The following ZFHX3 variants were observed in gnomAD, a reference collection of about 807,000 sequenced individuals.
ZFHX3 encodes the protein zinc finger homeobox protein 3.
In ZFHX3, 42 loss-of-function variants were observed where a neutral mutation model predicts 279.1. The ratio of observed to expected loss-of-function variants is 0.15; its 90% confidence interval spans 0.12 to 0.19. The LOEUF (loss-of-function observed/expected upper bound fraction) is 0.19, where lower values mean the gene tolerates loss of function less well. ZFHX3 is among the 10% of genes least tolerant of loss of function. ZFHX3 has a pLI of 1.00. For synonymous variants in ZFHX3, 2,293 were observed against 1,957.8 expected, an observed-to-expected ratio of 1.17 and a Z score of -4.52; for missense variants, 4,981 against 4,754.0, an observed-to-expected ratio of 1.05 and a Z score of -1.40.
At chr16:72,819,013 T>C (rs2036700012) in intron 5 of ZFHX3, among the ~76,000 whole-genome samples, 1 of 152,232 alleles carries the variant, frequency 6.6e-6, no homozygotes, top group African/African-American at 2.4e-5. Context: ...AGGTCAGCAC[T>C]TTAAAAATCC....
chr16:73,633,269 G>T (rs1235087726), intron 2 of ZFHX3, among the ~76,000 whole-genome samples: 1 of 152,148 alleles, frequency 6.6e-6, no homozygotes, highest in Non-Finnish European at 1.5e-5. Context: ...TTTTAAAAGG[G>T]ATAGATAATT....
intron 5 of ZFHX3, among the ~76,000 whole-genome samples, chr16:73,212,964 C>T (rs909639774): frequency 4.6e-5 from 7 of 152,188 alleles, no homozygotes; most frequent in African/African-American, 7.2e-5. Context: ...CTTCGAACAA[C>T]GTCAGAAACG....
At chr16:73,129,476 A>G (rs1050245437) in intron 7 of ZFHX3, among the ~76,000 whole-genome samples, 1 of 151,344 alleles carries the variant, frequency 6.6e-6, no homozygotes, top group Non-Finnish European at 1.5e-5. Flanking sequence ...CCATTTCACA[A>G]TTTTGAGGTG....
chr16:73,051,884 AAC>A (rs1387217408), upstream of ZFHX3, among the ~76,000 whole-genome samples: 4 of 152,196 alleles, frequency 2.6e-5, no homozygotes, highest in African/African-American at 9.7e-5. Context: ...AAGACTTTTA[AAC>A]ACAGGGGGAT....
intron 3 of ZFHX3, among the ~76,000 whole-genome samples, chr16:73,347,913 T>C (rs919511413): frequency 1.3e-5 from 2 of 152,256 alleles, no homozygotes; most frequent in African/African-American, 4.8e-5. Context: ...ATGAAGCTGA[T>C]ATTTTGCACA....
At chr16:73,324,672 T>C (rs1208814948) in intron 3 of ZFHX3, among the ~76,000 whole-genome samples, 2 of 152,190 alleles carry the variant, frequency 1.3e-5, no homozygotes, top group Non-Finnish European at 2.9e-5. Flanking sequence ...GAGAGGCCTT[T>C]GGTCAAGGGA....
At chr16:72,806,234 G>A (rs906019736) in intron 7 of ZFHX3, among the ~76,000 whole-genome samples, 1 of 152,202 alleles carries the variant, frequency 6.6e-6, no homozygotes, top group Non-Finnish European at 1.5e-5. Context: ...AGAAAATACT[G>A]TAGGGCCGTG....
intron 1 of ZFHX3, among the ~76,000 whole-genome samples, chr16:73,773,574 T>A (rs1041419245): frequency 5.3e-5 from 8 of 152,154 alleles, no homozygotes; most frequent in African/African-American, 1.9e-4. Context: ...TAATAATGTG[T>A]CCGTGGAAAG....
At chr16:73,516,090 C>T (rs796997117) in intron 2 of ZFHX3, among the ~76,000 whole-genome samples, 6 of 152,222 alleles carry the variant, frequency 3.9e-5, no homozygotes, top group African/African-American at 1.2e-4. Flanking sequence ...TGAACACTGA[C>T]CCATGGGTTC....
intron 1 of ZFHX3, among the ~76,000 whole-genome samples, chr16:73,028,735 G>A (rs1964597221): frequency 6.6e-6 from 1 of 152,182 alleles, no homozygotes; most frequent in African/African-American, 2.4e-5. Context: ...CCCTGGGAAA[G>A]GGGGCAGTGG....
At chr16:72,979,147 T>C (rs1962482992) in intron 1 of ZFHX3, among the ~76,000 whole-genome samples, 1 of 152,136 alleles carries the variant, frequency 6.6e-6, no homozygotes, top group Admixed American at 6.5e-5. Flanking sequence ...CTTTACTCTT[T>C]TACAGATGTA....
intron 7 of ZFHX3, among the ~76,000 whole-genome samples, chr16:72,800,330 C>T (rs931929660): frequency 6.6e-6 from 1 of 152,182 alleles, no homozygotes; most frequent in Admixed American, 6.5e-5. Flanking sequence ...ACATTCTGGA[C>T]ATAATTAGCA....
At chr16:73,579,694 G>C (rs2051837462) in intron 2 of ZFHX3, among the ~76,000 whole-genome samples, 1 of 149,864 alleles carries the variant, frequency 6.7e-6, no homozygotes, top group Admixed American at 6.6e-5. Context: ...AGTAGAGACG[G>C]GGTTTCACCA....
chr16:73,778,729 A>G (rs1959348139), intron 1 of ZFHX3, among the ~76,000 whole-genome samples: 2 of 152,236 alleles, frequency 1.3e-5, no homozygotes, highest in Admixed American at 6.5e-5. Context: ...AAGAGCTTAC[A>G]GTTTCTTCTG....
intron 1 of ZFHX3, among the ~76,000 whole-genome samples, chr16:72,974,638 G>C (rs973214407): frequency 6.6e-6 from 1 of 151,596 alleles, no homozygotes; most frequent in Non-Finnish European, 1.5e-5. Flanking sequence ...GAGTTCTTCA[G>C]ATATCCCTGG....
intron 3 of ZFHX3, among the ~76,000 whole-genome samples, chr16:72,919,751 C>T (rs2039534324): frequency 7.5e-6 from 1 of 133,180 alleles, no homozygotes; most frequent in Non-Finnish European, 1.5e-5. Context: ...GGCCGTCTTT[C>T]CAACTAAAAC....
rs150788786 is a variant in ZFHX3, at chr16:73,485,592, C to T, written c.-1546-29334G>A. Among the ~76,000 whole-genome samples the T allele has an allele frequency of 5.1e-3, 771 of 152,248 alleles. 3 individuals are homozygous for T. The highest frequency in any genetic ancestry group is 0.027 in the Middle Eastern group (8 of 294). On this transcript the variant is annotated intron_variant, in intron 2 of 17. Transcript: ENST00000641206. ...GGGCTGCAGTGTCCAGTACCCTGCT[C>T]GACCTTTCTCTCTTCCCTTCTCAGA...
At chr16:73,035,831 G>A (rs1270061037) in intron 1 of ZFHX3, among the ~76,000 whole-genome samples, 1 of 152,228 alleles carries the variant, frequency 6.6e-6, no homozygotes, top group East Asian at 1.9e-4. Context: ...TTGAACCCAG[G>A]AGGAGGAAGG....
At chr16:72,868,465 C>T (rs1318696899) in intron 4 of ZFHX3, among the ~76,000 whole-genome samples, 2 of 152,216 alleles carry the variant, frequency 1.3e-5, no homozygotes, top group African/African-American at 4.8e-5. Flanking sequence ...CATAAGCTTT[C>T]CCTCACATTC....
Sources: allele counts gnomAD v4.1 joint callset (sites outside exome capture counted in the v4.1 genomes callset), GRCh38; gene constraint gnomAD v4.1.1; transcripts MANE v1.5; gene names NCBI Gene and HGNC (gene_info 2026-07-23, HGNC 2026-07-21).